AP1S3: variants seen among roughly 807,000 people sequenced by gnomAD.
AP1S3 encodes the protein AP-1 complex subunit sigma-3.
Under a neutral mutation model 20.9 loss-of-function variants are expected in AP1S3, and 10 were observed. The observed-to-expected ratio is 0.48, with a 90% CI of 0.29 to 0.81. AP1S3 has a LOEUF of 0.81. AP1S3 is among the 30% of genes least tolerant of loss of function. The probability of loss-of-function intolerance (pLI) is 0.08; values close to 1 mark genes in which losing one functional copy is unlikely to be tolerated. For missense variants in AP1S3, 154 were observed against 183.8 expected (o/e 0.84, Z 0.94); for synonymous variants, 41 against 61.5 (o/e 0.67, Z 1.56).
chr2:223,813,726 GACAA>G (rs950994283), intron 1 of AP1S3, among the ~76,000 whole-genome samples: 1 of 152,176 alleles, frequency 6.6e-6, no homozygotes, highest in African/African-American at 2.4e-5. Context: ...GGATAGCAAA[GACAA>G]ACAAATCATC....
intron 1 of AP1S3, among the ~76,000 whole-genome samples, chr2:223,825,179 G>A (rs775397622): frequency 2.6e-5 from 4 of 151,988 alleles, no homozygotes; most frequent in Non-Finnish European, 5.9e-5. Flanking sequence ...CGGGCGTGGT[G>A]GCGGGCGCCT....
chr2:223,807,515 C>A (rs1691611798), intron 1 of AP1S3, among the ~76,000 whole-genome samples: 1 of 152,168 alleles, frequency 6.6e-6, no homozygotes, highest in Non-Finnish European at 1.5e-5. Context: ...CCACCCAAAT[C>A]TCATGTTCAA....
intron 1 of AP1S3, among the ~76,000 whole-genome samples, chr2:223,790,478 C>A (rs604736): frequency 2.6e-5 from 4 of 151,732 alleles, no homozygotes; most frequent in Non-Finnish European, 5.9e-5. Flanking sequence ...CAGTGATTCA[C>A]GTGCCTCGGC....
intron 1 of AP1S3, among the ~76,000 whole-genome samples, chr2:223,805,236 T>C (rs980844246): frequency 5.9e-5 from 9 of 152,098 alleles, no homozygotes; most frequent in African/African-American, 1.9e-4. Flanking sequence ...GTCAGGAGTT[T>C]GAGAGCAGCC....
intron 4 of AP1S3, 114 bp from the exon 5 acceptor site, chr2:223,758,864 A>G: frequency 2.2e-6 from 2 of 893,442 alleles, no homozygotes; most frequent in Non-Finnish European, 3.3e-6. Context: ...CAAGTTGTCA[A>G]AAGGATACAT....
At chr2:223,820,668 G>GGA (rs1553525704) in intron 1 of AP1S3, among the ~76,000 whole-genome samples, 36 of 118,186 alleles carry the variant, frequency 3.0e-4, no homozygotes, top group Middle Eastern at 4.3e-3. Flanking sequence ...CAAACTAGGA[G>GGA]AAAAAAAAAA....
chr2:223,819,565 T>C (rs1691937561), intron 1 of AP1S3, among the ~76,000 whole-genome samples: 1 of 151,234 alleles, frequency 6.6e-6, no homozygotes, highest in Non-Finnish European at 1.5e-5. Context: ...CTTTCAAGGG[T>C]GTTACAAAAA....
At chr2:223,780,470 T>C (rs960034935) in intron 1 of AP1S3, among the ~76,000 whole-genome samples, 2 of 150,270 alleles carry the variant, frequency 1.3e-5, no homozygotes, top group East Asian at 2.0e-4. Flanking sequence ...TGAGGTCTTC[T>C]TTTGGAGGGC....
chr2:223,767,750 T>C (rs1272388855), intron 3 of AP1S3, among the ~76,000 whole-genome samples: 5 of 152,048 alleles, frequency 3.3e-5, no homozygotes, highest in Non-Finnish European at 5.9e-5. Context: ...AGATTATTCT[T>C]TTTCCTTTAG....
intron 1 of AP1S3, among the ~76,000 whole-genome samples, chr2:223,816,717 T>TAAA (rs1691851793): frequency 6.6e-6 from 1 of 152,246 alleles, no homozygotes; most frequent in African/African-American, 2.4e-5. Context: ...GTGGGACTGC[T>TAAA]GTTTACCAAT....
Position 223,770,178 on chromosome 2 carries a change from A to G in AP1S3, c.292-4828T>C, listed in dbSNP as rs754962286. 4 of 1,549,736 alleles carry G rather than the reference A, an allele frequency of 2.6e-6. No homozygotes were observed. The South Asian group carries it at 3.6e-5, about 14-fold the overall frequency. The stretch of plus-strand genomic sequence containing the variant: ...GACATCCATGTACATGAAAGAAGGT[A>G]TGAGAAGAAAGCAGTTACCAGAGGT... On this transcript the variant is annotated intron_variant, in intron 3 of 4. Transcript: ENST00000396654.
chr2:223,837,309 G>C (rs1574740149), intron 1 of AP1S3, 139 bp downstream of exon 1: 1 of 371,986 alleles, frequency 2.7e-6, no homozygotes, highest in African/African-American at 2.1e-5. Context: ...GGGCCACAGG[G>C]ACGCACGGTT....
At chr2:223,817,139 A>G (rs1691863721) in intron 1 of AP1S3, among the ~76,000 whole-genome samples, 1 of 152,062 alleles carries the variant, frequency 6.6e-6, no homozygotes, top group Admixed American at 6.6e-5. Context: ...ATAAAATACA[A>G]TAGCCTGTAG....
intron 1 of AP1S3, among the ~76,000 whole-genome samples, chr2:223,802,348 G>C (rs931288117): frequency 6.6e-6 from 1 of 151,356 alleles, no homozygotes; most frequent in African/African-American, 2.4e-5. Context: ...TTTTGCCCAG[G>C]CTGGAGTGCA....
At chr2:223,832,131 CTCTCTGTGTGTGTGTG>C (rs761415025) in intron 1 of AP1S3, among the ~76,000 whole-genome samples, 3,627 of 114,700 alleles carry the variant, frequency 0.032, 88 homozygotes, top group Non-Finnish European at 0.035. Flanking sequence ...AAGGAGTTTT[CTCTCTGTGTGTGTGTG>C]TGTGTGTGTG....
chr2:223,804,915 G>A (rs1446477447), intron 1 of AP1S3, among the ~76,000 whole-genome samples: 3 of 152,116 alleles, frequency 2.0e-5, no homozygotes, highest in African/African-American at 7.2e-5. Flanking sequence ...GTTCTAGTTG[G>A]TTGAAAAACA....
intron 1 of AP1S3, among the ~76,000 whole-genome samples, chr2:223,801,803 C>T (rs554630885): frequency 6.6e-5 from 10 of 152,224 alleles, no homozygotes; most frequent in African/African-American, 2.4e-4. Context: ...GTTTCTGTGA[C>T]CACCATAAAA....
At chr2:223,768,803 C>T (rs569452637) in intron 3 of AP1S3, among the ~76,000 whole-genome samples, 2 of 152,024 alleles carry the variant, frequency 1.3e-5, no homozygotes, top group South Asian at 4.2e-4. Context: ...TGCAGTGAGC[C>T]AAAATCATGC....
intron 1 of AP1S3, among the ~76,000 whole-genome samples, chr2:223,806,050 A>G (rs538062907): frequency 3.3e-5 from 5 of 152,272 alleles, no homozygotes; most frequent in Non-Finnish European, 7.4e-5. Flanking sequence ...AAAAATAAAT[A>G]TAACGCCAAA....
Sources: gnomAD v4.1 joint callset for allele counts (sites outside exome capture counted in the v4.1 genomes callset) on GRCh38, gnomAD v4.1.1 for gene constraint, MANE v1.5 for transcripts, NCBI Gene and HGNC (gene_info 2026-07-23, HGNC 2026-07-21) for gene names.